HS3ST4: variants seen among roughly 807,000 people sequenced by gnomAD.
HS3ST4 encodes the protein heparan sulfate glucosamine 3-O-sulfotransferase 4.
Under a neutral mutation model 29.2 loss-of-function variants are expected in HS3ST4, and 17 were observed. The observed-to-expected ratio is 0.58, with a 90% CI of 0.40 to 0.87. The LOEUF is 0.87. HS3ST4 is among the 40% of genes least tolerant of loss of function. The pLI, the probability that HS3ST4 is intolerant of heterozygous loss-of-function variation, is 0.00. For synonymous variants in HS3ST4, 314 were observed against 285.7 expected, an observed-to-expected ratio of 1.10 and a Z score of -1.00; for missense variants, 627 against 634.5, an observed-to-expected ratio of 0.99 and a Z score of 0.13.
At chr16:25,699,978 T>G (rs1966324036) in intron 1 of HS3ST4, among the ~76,000 whole-genome samples, 1 of 152,172 alleles carries the variant, frequency 6.6e-6, no homozygotes, top group Non-Finnish European at 1.5e-5. Flanking sequence ...CTCTTCTCCT[T>G]CATTTTCCTT....
At chr16:25,841,066 G>A (rs1452999906) in intron 1 of HS3ST4, among the ~76,000 whole-genome samples, 1 of 151,594 alleles carries the variant, frequency 6.6e-6, no homozygotes, top group Non-Finnish European at 1.5e-5. Flanking sequence ...GTGCAGTGGT[G>A]CGATCTCTGC....
intron 1 of HS3ST4, among the ~76,000 whole-genome samples, chr16:26,105,116 T>C (rs972518976): frequency 3.3e-5 from 5 of 152,154 alleles, no homozygotes; most frequent in Non-Finnish European, 5.9e-5. Context: ...CAGTGGTGGA[T>C]TGGATGAAGA....
chr16:26,071,159 C>A (rs1407594753), intron 1 of HS3ST4, among the ~76,000 whole-genome samples: 2 of 152,170 alleles, frequency 1.3e-5, no homozygotes, highest in African/African-American at 4.8e-5. Flanking sequence ...GGCGTCCCTA[C>A]ACGAGCTCCA....
At chr16:25,783,120 CT>C (rs1159357914) in intron 1 of HS3ST4, among the ~76,000 whole-genome samples, 7 of 151,458 alleles carry the variant, frequency 4.6e-5, no homozygotes, top group Admixed American at 1.3e-4. Flanking sequence ...GGAAGCTGTT[CT>C]TTTTTTTTCT....
intron 1 of HS3ST4, among the ~76,000 whole-genome samples, chr16:25,979,146 C>T (rs1482131750): frequency 1.3e-5 from 2 of 152,098 alleles, no homozygotes; most frequent in Non-Finnish European, 2.9e-5. Flanking sequence ...ATCCGCCTGC[C>T]TCGGCCTCCC....
intron 1 of HS3ST4, among the ~76,000 whole-genome samples, chr16:26,099,648 G>C (rs892554148): frequency 3.9e-5 from 6 of 152,126 alleles, no homozygotes; most frequent in Non-Finnish European, 8.8e-5. Context: ...TCATTTATTT[G>C]TCCATTTAAC....
intron 1 of HS3ST4, chr16:25,933,407 C>T (rs940716482): frequency 1.2e-5 from 6 of 515,936 alleles, no homozygotes; most frequent in African/African-American, 7.7e-5. Context: ...TGGCTTTCCA[C>T]CTTCCATAGC....
chr16:25,881,474 G>A (rs956724618), intron 1 of HS3ST4, among the ~76,000 whole-genome samples: 2 of 152,060 alleles, frequency 1.3e-5, no homozygotes, highest in African/African-American at 4.8e-5. Context: ...AAAATCCTTC[G>A]ATACCAGACA....
rs535944717 is a variant in HS3ST4, at chr16:25,759,758, C to T, written c.734+66607C>T. Among the ~76,000 whole-genome samples the T allele has an allele frequency of 2.5e-3, 375 of 152,130 alleles. 2 individuals are homozygous for T. Among genetic ancestry groups the T allele is most frequent in the African/African-American group, 8.7e-3 (360 of 41,488 alleles). On this transcript the variant is annotated intron_variant, in intron 1 of 1. Coordinates refer to ENST00000331351, the MANE Select transcript of HS3ST4 (RefSeq NM_006040.3). ...TATGCAACATAGTGAGACGCCATCT[C>T]TATGAAAAAAATTTAAAAAATTAAC...
intron 1 of HS3ST4, among the ~76,000 whole-genome samples, chr16:25,709,292 G>C (rs1452568193): frequency 1.3e-5 from 2 of 152,076 alleles, no homozygotes; most frequent in African/African-American, 2.4e-5. Flanking sequence ...CTGAAGACTC[G>C]ATGTAGCTCA....
At chr16:25,895,740 AAGAG>A (rs71738802) in intron 1 of HS3ST4, among the ~76,000 whole-genome samples, 10 of 149,136 alleles carry the variant, frequency 6.7e-5, no homozygotes, top group Non-Finnish European at 1.0e-4. Context: ...GAAAGAGGGA[AAGAG>A]AGAGAGAGAG....
At chr16:25,902,248 T>C (rs555057381) in intron 1 of HS3ST4, among the ~76,000 whole-genome samples, 1 of 152,286 alleles carries the variant, frequency 6.6e-6, no homozygotes, top group Admixed American at 6.5e-5. Flanking sequence ...GGCATCATGG[T>C]GGCTCATGCC....
In HS3ST4 at chr16:25,832,197, C is replaced by T. The variant is rs151073818; in HGVS notation, c.734+139046C>T. Among the ~76,000 whole-genome samples the T allele has an allele frequency of 8.6e-3, 1,309 of 152,296 alleles. 12 individuals are homozygous for T. The highest frequency in any genetic ancestry group is 0.014 in the Middle Eastern group (4 of 294). Reference sequence around the variant, plus strand: ...ATCCTTTTAAGAGGATCAGGGTCTCCATCAGGGTCTTGTTCCTTAGTCAAC... The same window carrying T: ...ATCCTTTTAAGAGGATCAGGGTCTCTATCAGGGTCTTGTTCCTTAGTCAAC... On this transcript the variant is annotated intron_variant, in intron 1 of 1. Transcript: ENST00000331351.
rs1346032240 is a variant in HS3ST4, at chr16:25,692,807, C to T, written c.390C>T (p.Ser130=). ...APGTDGWGLP[S]GGGGAQDAWL... is the part of the protein sequence containing the mutation. ...GGACCGACGGCTGGGGGCTGCCGAG[C>T]GGCGGCGGAGGCGCCCAGGACGCCT... Residue 130 remains serine, a synonymous_variant, in exon 1 of 2, where the codon AGC becomes AGT. Coordinates refer to ENST00000331351, the MANE Select transcript of HS3ST4 (RefSeq NM_006040.3). 2 of 1,382,048 alleles carry T rather than the reference C, an allele frequency of 1.4e-6. No individual in the cohort carries two copies. Among genetic ancestry groups the T allele is most frequent in the Non-Finnish European group, 1.9e-6 (2 of 1,077,180 alleles). The allele number at this position is 1,382,048 out of a possible 1,614,324, so 85.6% of individuals were successfully genotyped here.
intron 1 of HS3ST4, among the ~76,000 whole-genome samples, chr16:25,752,879 A>G (rs867323816): frequency 6.6e-6 from 1 of 152,220 alleles, no homozygotes; most frequent in African/African-American, 2.4e-5. Flanking sequence ...TTTTTCTCAT[A>G]AACTGTTTAA....
At chr16:25,719,372 CA>C (rs1966477887) in intron 1 of HS3ST4, among the ~76,000 whole-genome samples, 1 of 121,166 alleles carries the variant, frequency 8.3e-6, no homozygotes, top group Admixed American at 9.5e-5. Context: ...AGAAGACAGA[CA>C]GACAAGTGAC....
intron 1 of HS3ST4, among the ~76,000 whole-genome samples, chr16:25,722,902 T>C (rs892472891): frequency 6.6e-6 from 1 of 152,216 alleles, no homozygotes; most frequent in African/African-American, 2.4e-5. Context: ...TAATGGGTTA[T>C]TTATAAAGAA....
intron 1 of HS3ST4, among the ~76,000 whole-genome samples, chr16:25,853,033 A>G (rs1002219051): frequency 8.9e-6 from 1 of 111,748 alleles, no homozygotes; most frequent in Admixed American, 9.7e-5. Context: ...TTGCCTCAAC[A>G]CTTGTAAAAT....
intron 1 of HS3ST4, among the ~76,000 whole-genome samples, chr16:26,015,504 G>A (rs1269302295): frequency 6.6e-6 from 1 of 152,100 alleles, no homozygotes; most frequent in Non-Finnish European, 1.5e-5. Flanking sequence ...GACTTTTATT[G>A]GAGTCAATAA....
Sources: gnomAD v4.1 joint callset for allele counts (sites outside exome capture counted in the v4.1 genomes callset) on GRCh38, gnomAD v4.1.1 for gene constraint, MANE v1.5 for transcripts, NCBI Gene and HGNC (gene_info 2026-07-23, HGNC 2026-07-21) for gene names.